Variants in NELL1 observed in about 807,000 individuals in gnomAD.
The protein encoded by NELL1 is neural EGFL like 1.
In NELL1, 76 loss-of-function variants were observed where a neutral mutation model predicts 107.4. That is an observed-to-expected ratio of 0.71 (90% CI 0.59 to 0.86). The LOEUF (loss-of-function observed/expected upper bound fraction) is 0.86. NELL1 is among the 40% of genes least tolerant of loss of function. The pLI is 0.00. For missense variants in NELL1, 1,024 were observed against 1,005.5 expected (o/e 1.02, Z -0.25); for synonymous variants, 353 against 341.2 (o/e 1.03, Z -0.38).
intron 12 of NELL1, among the ~76,000 whole-genome samples, chr11:21,103,853 A>C (rs1175198713): frequency 1.3e-5 from 2 of 152,174 alleles, no homozygotes; most frequent in East Asian, 3.9e-4. Context: ...TTTCAACGGA[A>C]TTAGCCTCTT....
At chr11:21,188,260 C>T (rs1208310436) in intron 13 of NELL1, among the ~76,000 whole-genome samples, 3 of 151,832 alleles carry the variant, frequency 2.0e-5, no homozygotes, top group Non-Finnish European at 4.4e-5. Flanking sequence ...TCCTCAGTCA[C>T]TGTGCCTGGG....
intron 2 of NELL1, among the ~76,000 whole-genome samples, chr11:20,756,349 A>T (rs1199790646): frequency 6.7e-6 from 1 of 148,552 alleles, no homozygotes; most frequent in Non-Finnish European, 1.5e-5. Context: ...TTATTTATTT[A>T]TTTTTTTGAG....
At chr11:20,975,686 TATA>T (rs1455899978) in intron 12 of NELL1, among the ~76,000 whole-genome samples, 3,735 of 111,090 alleles carry the variant, frequency 0.034, 176 homozygotes, top group Middle Eastern at 0.062. Flanking sequence ...ATATGTATTA[TATA>T]ATGTATGTAT....
At chr11:21,459,501 C>G (rs954886402) in intron 15 of NELL1, among the ~76,000 whole-genome samples, 2 of 151,740 alleles carry the variant, frequency 1.3e-5, no homozygotes, top group South Asian at 2.1e-4. Context: ...GAGGGAGGAA[C>G]TGCAGTACTT....
At chr11:20,673,982 G>T (rs1331647552) in intron 1 of NELL1, among the ~76,000 whole-genome samples, 1 of 152,092 alleles carries the variant, frequency 6.6e-6, no homozygotes, top group East Asian at 1.9e-4. Flanking sequence ...ATGGGCACGA[G>T]GCATTTTCAT....
intron 2 of NELL1, among the ~76,000 whole-genome samples, chr11:20,700,484 A>C (rs575672614): frequency 1.0e-4 from 15 of 144,796 alleles, no homozygotes; most frequent in African/African-American, 3.9e-4. Flanking sequence ...ATCTCAAAAA[A>C]GACAAAGAAA....
intron 15 of NELL1, among the ~76,000 whole-genome samples, chr11:21,489,444 G>T (rs911613848): frequency 2.2e-5 from 3 of 136,266 alleles, no homozygotes; most frequent in Non-Finnish European, 4.6e-5. Context: ...CTTGTTATCT[G>T]AGGCCAACAT....
intron 15 of NELL1, among the ~76,000 whole-genome samples, chr11:21,418,321 G>C (rs976848799): frequency 4.6e-5 from 7 of 152,060 alleles, no homozygotes; most frequent in Non-Finnish European, 1.0e-4. Context: ...TTTGAAACCA[G>C]GTAGGCAACA....
At chr11:21,186,805 G>T (rs758992656) in intron 13 of NELL1, among the ~76,000 whole-genome samples, 2 of 151,850 alleles carry the variant, frequency 1.3e-5, no homozygotes, top group East Asian at 1.9e-4. Flanking sequence ...GTAGTGGATT[G>T]TTTGATACCA....
intron 14 of NELL1, among the ~76,000 whole-genome samples, chr11:21,346,522 A>G (rs1850685600): frequency 6.8e-6 from 1 of 147,976 alleles, no homozygotes; most frequent in South Asian, 2.1e-4. Context: ...TAAATTATAT[A>G]TAATTTATTA....
intron 3 of NELL1, among the ~76,000 whole-genome samples, chr11:20,808,034 C>T (rs867935651): frequency 5.9e-5 from 9 of 152,292 alleles, no homozygotes; most frequent in Admixed American, 1.3e-4. Flanking sequence ...CTGCTTGGTG[C>T]TCTATCCCAC....
At chr11:20,782,300 T>C (rs1053355374) in intron 2 of NELL1, among the ~76,000 whole-genome samples, 1 of 152,198 alleles carries the variant, frequency 6.6e-6, no homozygotes, top group African/African-American at 2.4e-5. Context: ...GTAGGTTTTA[T>C]ACTGGTAGAC....
intron 2 of NELL1, among the ~76,000 whole-genome samples, chr11:20,727,619 T>C (rs531552692): frequency 2.0e-5 from 3 of 152,372 alleles, no homozygotes; most frequent in South Asian, 2.1e-4. Flanking sequence ...CATTTGTCAA[T>C]TTTGGCTTTT....
At chr11:21,249,791 A>C (rs1055732372) in intron 14 of NELL1, among the ~76,000 whole-genome samples, 5 of 152,158 alleles carry the variant, frequency 3.3e-5, no homozygotes, top group Non-Finnish European at 5.9e-5. Context: ...TAGAGGCCCA[A>C]TTTTAATCAT....
chr11:20,774,924 G>A (rs1265749272), intron 2 of NELL1, among the ~76,000 whole-genome samples: 2 of 152,004 alleles, frequency 1.3e-5, no homozygotes, highest in Non-Finnish European at 2.9e-5. Flanking sequence ...CACCTGAGGA[G>A]GGTTGCTGGT....
At chr11:20,722,619 G>A (rs1292000458) in intron 2 of NELL1, among the ~76,000 whole-genome samples, 2 of 152,132 alleles carry the variant, frequency 1.3e-5, no homozygotes, top group African/African-American at 2.4e-5. Context: ...CACAGTGGCA[G>A]GCTCACAGTG....
At chr11:21,559,571 G>A (rs1007418926) in intron 16 of NELL1, among the ~76,000 whole-genome samples, 6 of 151,952 alleles carry the variant, frequency 3.9e-5, no homozygotes, top group East Asian at 3.9e-4. Flanking sequence ...TTTTATGCAC[G>A]GGCAAATATT....
rs1323641563 is a variant in NELL1, at chr11:20,909,378, G to T, written c.604-8804G>T. Among the ~76,000 whole-genome samples the T allele has an allele frequency of 2.0e-5, 3 of 152,134 alleles. No homozygotes were observed. In the East Asian group the frequency reaches 5.8e-4, roughly 29 times the overall value. ...GGTCCTATTTCCAAAGTCTGATTCA[G>T]TGGACCTAGGTTGGGACCCAAATCT... On this transcript the variant is annotated intron_variant, in intron 5 of 19. Transcript: ENST00000357134.
chr11:20,958,260 A>G (rs1851218798), intron 11 of NELL1, among the ~76,000 whole-genome samples: 1 of 152,100 alleles, frequency 6.6e-6, no homozygotes, highest in Admixed American at 6.6e-5. Context: ...TCTCCAAAAA[A>G]AAAATTAGCT....
Sources: gnomAD v4.1 joint callset for allele counts (sites outside exome capture counted in the v4.1 genomes callset) on GRCh38, gnomAD v4.1.1 for gene constraint, MANE v1.5 for transcripts, NCBI Gene and HGNC (gene_info 2026-07-23, HGNC 2026-07-21) for gene names.